Variants in CATSPERD observed in about 807,000 individuals in gnomAD.
The protein encoded by CATSPERD is catsper channel auxiliary subunit delta.
In CATSPERD, 86 loss-of-function variants were observed where a neutral mutation model predicts 98.1. The observed-to-expected ratio is 0.88, with a 90% CI of 0.74 to 1.05. The LOEUF (loss-of-function observed/expected upper bound fraction) is 1.05. Among genes scored for constraint, CATSPERD ranks in the 50% least tolerant of loss-of-function variants. CATSPERD has a pLI of 0.00. For missense variants in CATSPERD, 995 were observed against 1,005.7 expected (o/e 0.99, Z 0.14); for synonymous variants, 394 against 390.2 (o/e 1.01, Z -0.12).
chr19:5,734,499 G>A (rs1419422602), intron 5 of CATSPERD, among the ~76,000 whole-genome samples: 4 of 152,172 alleles, frequency 2.6e-5, no homozygotes, highest in South Asian at 2.1e-4. Flanking sequence ...TTAGCTGGGC[G>A]TGGTGGTGCA....
At chr19:5,754,372 G>T in intron 13 of CATSPERD, 127 bp downstream of exon 13, 5 of 476,460 alleles carry the variant, frequency 1.0e-5, no homozygotes, top group South Asian at 2.3e-5. Flanking sequence ...TCACAATTCT[G>T]CATAGAAATT....
chr19:5,737,997 C>T (rs144980134), intron 6 of CATSPERD, among the ~76,000 whole-genome samples: 28 of 152,108 alleles, frequency 1.8e-4, no homozygotes, highest in African/African-American at 6.5e-4. Context: ...TCAGATCCAC[C>T]GGCTGACACT....
rs774296767 is a variant in CATSPERD, at chr19:5,737,135, C to T, written c.392-3C>T. 2 of 1,586,752 alleles carry T rather than the reference C, an allele frequency of 1.3e-6. No homozygotes were observed. The highest frequency in any genetic ancestry group is 1.7e-6 in the Non-Finnish European group (2 of 1,158,344). ...ACATTTCAAAATTATATTTTCCTTT[C>T]AGGTATAAAACACCCTGTTACACAT... On this transcript the variant is annotated splice_polypyrimidine_tract_variant and splice_region_variant and intron_variant, in intron 5 of 21. Coordinates refer to ENST00000381624, the MANE Select transcript of CATSPERD (RefSeq NM_152784.4).
At chr19:5,733,731 C>T (rs1196052105) in intron 4 of CATSPERD, 125 bp from the exon 5 acceptor site, 9 of 662,840 alleles carry the variant, frequency 1.4e-5, no homozygotes, top group African/African-American at 7.5e-5. Flanking sequence ...GCTGGGATTA[C>T]AAGCGAGGGC....
chr19:5,767,065 C>T (rs1429493212), intron 17 of CATSPERD, among the ~76,000 whole-genome samples: 1 of 151,184 alleles, frequency 6.6e-6, no homozygotes, highest in Non-Finnish European at 1.5e-5. Context: ...CGCCTGTAAT[C>T]CCAGCACTTT....
intron 19 of CATSPERD, among the ~76,000 whole-genome samples, 200 bp from the exon 20 acceptor site, chr19:5,772,588 C>A (rs542195214): frequency 1.3e-5 from 2 of 152,054 alleles, no homozygotes; most frequent in Admixed American, 1.3e-4. Flanking sequence ...GCCCATCTCC[C>A]CATGCACCCA....
intron 20 of CATSPERD, among the ~76,000 whole-genome samples, chr19:5,774,430 C>T (rs1273478296): frequency 4.0e-5 from 6 of 151,854 alleles, no homozygotes; most frequent in Non-Finnish European, 8.8e-5. Context: ...CAGTGGCTCA[C>T]GCCTGTAATC....
At chr19:5,762,058 A>ATATAT in intron 15 of CATSPERD, among the ~76,000 whole-genome samples, 1 of 10,442 alleles carries the variant, frequency 9.6e-5, no homozygotes, top group African/African-American at 3.3e-4. Flanking sequence ...ATATATATAT[A>ATATAT]TTTTTTTTTT....
At position 5,776,295 on chromosome 19, in the gene CATSPERD, G is replaced by A. The variant is rs759521461; in HGVS notation, c.2076G>A (p.Ser692=). The change falls in exon 21 of 22, where the codon TCG becomes TCA. Residue 692 remains serine, a synonymous_variant. Coordinates refer to ENST00000381624, the MANE Select transcript of CATSPERD (RefSeq NM_152784.4). ...GHNGFYVFYI[S]IVDPYYSYCQ... ...ATGGCTTTTATGTCTTCTACATTTC[G>A]ATCGTGGATCCGTACTACAGGTGAG... The A allele has an allele frequency of 1.2e-6, 2 of 1,614,008 alleles. No homozygotes were observed. Among genetic ancestry groups the A allele is most frequent in the African/African-American group, 2.7e-5 (2 of 74,914 alleles).
chr19:5,778,490 T>C lies in CATSPERD; in HGVS notation c.2211T>C (p.Val737=). 1 of 1,614,034 alleles carries C rather than the reference T, an allele frequency of 6.2e-7. No homozygotes were observed. The highest frequency in any genetic ancestry group is 1.1e-5 in the South Asian group (1 of 91,078). The change falls in exon 22 of 22, where the codon GTT becomes GTC. Residue 737 remains valine, a synonymous_variant. Coordinates refer to ENST00000381624, the MANE Select transcript of CATSPERD (RefSeq NM_152784.4). ...LLIISSILGS[V]WLAYKTPKLL... is the part of the protein sequence containing the mutation. ...TCATCTCCAGCATCCTGGGGTCCGT[T>C]TGGCTGGCCTACAAGACCCCCAAGC...
rs1467207805 is a variant in CATSPERD, at chr19:5,772,671, CCTCT to C, written c.1764-114_1764-111del. 12 of 1,038,548 alleles carry C rather than the reference CCTCT, an allele frequency of 1.2e-5. No individual in the cohort carries two copies. The South Asian group carries it at 1.4e-4, about 12-fold the overall frequency. The allele number at this position is 1,038,548 out of a possible 1,614,324, so 64.3% of individuals were successfully genotyped here. A position where few individuals can be genotyped will look rare whatever the true frequency, so the allele number is the denominator to read the frequency against. On this transcript the variant is annotated intron_variant, in intron 19 of 21. Coordinates refer to ENST00000381624, the MANE Select transcript of CATSPERD (RefSeq NM_152784.4). The stretch of plus-strand genomic sequence containing the variant: ...GGGAGCGGCAGGCGTCCTTTGGTTT[CCTCT>C]CTGTCACCTCCCACCCCCCAAGCGG...
In CATSPERD at chr19:5,724,631, G is replaced by C. The variant is rs138061379; in HGVS notation, c.72-177G>C. ...GGAGAAACACTTGAATCTGGGAGGC[G>C]GAGGTTGCAGTGAGCCAAGATCTTG... On this transcript the variant is annotated intron_variant, in intron 1 of 21. Transcript: ENST00000381624. 5.9e-5 allele frequency among the ~76,000 whole-genome samples: 9 copies of C among 152,268 alleles called. No homozygotes were observed. In the East Asian group the frequency reaches 9.7e-4, roughly 16 times the overall value.
At chr19:5,766,216 C>T (rs985947021) in intron 17 of CATSPERD, 61 bp downstream of exon 17, 46 of 1,457,622 alleles carry the variant, frequency 3.2e-5, no homozygotes, top group African/African-American at 1.3e-4. Flanking sequence ...TTTGGGAGGC[C>T]GAGGTGGGCA....
At chr19:5,765,458 A>T (rs2056520668) in intron 16 of CATSPERD, among the ~76,000 whole-genome samples, 1 of 150,242 alleles carries the variant, frequency 6.7e-6, no homozygotes, top group East Asian at 1.9e-4. Flanking sequence ...TCATTCATAC[A>T]TGCATGCGTG....
rs566615276 is a variant in CATSPERD, at chr19:5,765,997, A to G, written c.1507-106A>G. 49 of 776,872 alleles carry G rather than the reference A, an allele frequency of 6.3e-5. No homozygotes were observed. The African/African-American group carries it at 7.3e-4, about 12-fold the overall frequency. 48.1% of individuals were successfully genotyped at this position (776,872 alleles called of 1,614,324 possible). ...GACACGCTGTTGGGATCCAGGCCAC[A>G]TGGTTTCCAAACCATTCCCACAGGA... On this transcript the variant is annotated intron_variant, in intron 16 of 21. Coordinates refer to ENST00000381624, the MANE Select transcript of CATSPERD (RefSeq NM_152784.4).
Position 5,778,457 on chromosome 19 carries a change from C to T in CATSPERD, c.2178C>T (p.Ile726=), listed in dbSNP as rs757304257. ...PVQLVSAGVV[I]LLIISSILGS... The stretch of plus-strand genomic sequence containing the variant: ...AGCTGGTCTCTGCTGGAGTCGTCAT[C>T]CTACTGATCATCTCCAGCATCCTGG... The change falls in exon 22 of 22, where the codon ATC becomes ATT. Residue 726 remains isoleucine, a synonymous_variant. Coordinates refer to ENST00000381624, the MANE Select transcript of CATSPERD (RefSeq NM_152784.4). 2.5e-6 allele frequency: 4 copies of T among 1,613,896 alleles called. No homozygotes were observed. Among genetic ancestry groups the T allele is most frequent in the Non-Finnish European group, 3.4e-6 (4 of 1,180,034 alleles).
chr19:5,730,730 C>A (rs554908870), intron 4 of CATSPERD, among the ~76,000 whole-genome samples: 1 of 149,948 alleles, frequency 6.7e-6, no homozygotes, highest in Non-Finnish European at 1.5e-5. Context: ...CCAGCCTGGG[C>A]GGCTGGGCAC....
Position 5,778,689 on chromosome 19 carries a change from G to A in CATSPERD, c.*13G>A. The A allele has an allele frequency of 6.2e-7, 1 of 1,607,498 alleles. No homozygotes were observed. Among genetic ancestry groups the A allele is most frequent in the Middle Eastern group, 1.7e-4 (1 of 5,934 alleles). On this transcript the variant is annotated 3_prime_UTR_variant, in exon 22 of 22. Coordinates refer to ENST00000381624, the MANE Select transcript of CATSPERD (RefSeq NM_152784.4). ...GTCTGACCACTGAGGCCGGTCCACAGGGTCCCAACCCCTTGTCTTCAAATA... is the reference window on the plus strand; with the variant it reads ...GTCTGACCACTGAGGCCGGTCCACAAGGTCCCAACCCCTTGTCTTCAAATA...
At position 5,734,815 on chromosome 19, in the gene CATSPERD, A is replaced by G. The variant is rs574415845; in HGVS notation, c.391+845A>G. Among the ~76,000 whole-genome samples the G allele has an allele frequency of 2.2e-3, 334 of 151,634 alleles. 3 individuals are homozygous for G. The highest frequency in any genetic ancestry group is 7.8e-3 in the African/African-American group (324 of 41,330). On this transcript the variant is annotated intron_variant, in intron 5 of 21. Transcript: ENST00000381624. The stretch of plus-strand genomic sequence containing the variant: ...AGACTCTGTCTAAAAAAAAAAAAAA[A>G]TCGAGGGACATCAGCGGGTCTTGGT...
Sources: gnomAD v4.1 joint callset for allele counts (sites outside exome capture counted in the v4.1 genomes callset) on GRCh38, gnomAD v4.1.1 for gene constraint, MANE v1.5 for transcripts, NCBI Gene and HGNC (gene_info 2026-07-23, HGNC 2026-07-21) for gene names.